PDE4D: variants seen among roughly 807,000 people sequenced by gnomAD.
PDE4D encodes the protein 3',5'-cyclic-AMP phosphodiesterase 4D.
In PDE4D, 24 loss-of-function variants were observed where a neutral mutation model predicts 87.4. That is an observed-to-expected ratio of 0.27 (90% CI 0.20 to 0.39). The LOEUF is 0.39. Ranked by LOEUF, PDE4D falls within the 10% of genes least tolerant of loss-of-function variation. PDE4D has a pLI of 1.00. For missense variants in PDE4D, 714 were observed against 1,041.0 expected (o/e 0.69, Z 4.32); for synonymous variants, 384 against 383.2 (o/e 1.00, Z -0.02).
rs1265600102 is a variant in PDE4D at position 59,752,256 on chromosome 5, T to C, written c.455+140912A>G. On this transcript the variant is annotated intron_variant, in intron 1 of 14. Transcript: ENST00000340635. ...GGCTCAGATCACCTTCAGTGTTCTA[T>C]CAATTGTATGTTTACCTTTTATTTG... 3.3e-5 allele frequency among the ~76,000 whole-genome samples: 5 copies of C among 152,220 alleles called. No homozygotes were observed. The East Asian group carries it at 9.6e-4, about 29-fold the overall frequency.
At chr5:59,148,998 G>A (rs1042051468) in intron 5 of PDE4D, among the ~76,000 whole-genome samples, 1 of 152,064 alleles carries the variant, frequency 6.6e-6, no homozygotes, top group Non-Finnish European at 1.5e-5. Flanking sequence ...ATAGGAATAG[G>A]AGATGCCAGA....
chr5:59,992,624 A>G (rs1763131528), intron 2 of PDE4D, among the ~76,000 whole-genome samples: 2 of 152,192 alleles, frequency 1.3e-5, no homozygotes, highest in South Asian at 4.1e-4. Context: ...TAGCATTGCA[A>G]TTGCAAAAAT....
intron 1 of PDE4D, among the ~76,000 whole-genome samples, chr5:60,416,485 G>A (rs1742579884): frequency 6.6e-6 from 1 of 152,048 alleles, no homozygotes; most frequent in African/African-American, 2.4e-5. Flanking sequence ...AAACCCACTG[G>A]GAGGAACGAA....
intron 1 of PDE4D, among the ~76,000 whole-genome samples, chr5:59,726,920 A>G (rs796286041): frequency 6.6e-6 from 1 of 152,206 alleles, no homozygotes; most frequent in African/African-American, 2.4e-5. Context: ...TTAATTCAAC[A>G]GAGTTGAGCG....
At chr5:59,017,368 T>G (rs2153371318) in intron 6 of PDE4D, among the ~76,000 whole-genome samples, 1 of 152,246 alleles carries the variant, frequency 6.6e-6, no homozygotes, top group Admixed American at 6.5e-5. Context: ...TCTGGGATGA[T>G]CAATGTCTAG....
chr5:59,744,228 G>T (rs60412868), intron 1 of PDE4D, among the ~76,000 whole-genome samples: 4,589 of 151,418 alleles, frequency 0.03, 231 homozygotes, highest in African/African-American at 0.11. Context: ...CATAATGGAG[G>T]AATCTTATTT....
intron 3 of PDE4D, among the ~76,000 whole-genome samples, chr5:59,979,258 T>C (rs147980643): frequency 2.8e-4 from 43 of 152,054 alleles, no homozygotes; most frequent in African/African-American, 1.0e-3. Flanking sequence ...AAATATGTGA[T>C]CAAAAGCTGG....
rs917065101 is a variant in PDE4D, at chr5:60,439,293, T to A, written c.-90+48649A>T. On this transcript the variant is annotated intron_variant, in intron 1 of 16. Coordinates refer to the PDE4D transcript ENST00000502484. ...TCCCAGAAAATTGATACAAATGGAC[T>A]GTGGATAATGAATATAAACTTCATT... Among the ~76,000 whole-genome samples the A allele has an allele frequency of 5.9e-5, 9 of 152,128 alleles. No individual in the cohort carries two copies. The East Asian group carries it at 1.7e-3, about 29-fold the overall frequency.
intron 1 of PDE4D, among the ~76,000 whole-genome samples, chr5:59,335,504 T>C (rs183330948): frequency 6.6e-6 from 1 of 152,354 alleles, no homozygotes; most frequent in Non-Finnish European, 1.5e-5. Flanking sequence ...GGGTGGTCAC[T>C]GCTTAGTCAC....
At chr5:59,618,603 T>A in intron 1 of PDE4D, among the ~76,000 whole-genome samples, 1 of 152,148 alleles carries the variant, frequency 6.6e-6, no homozygotes. Flanking sequence ...GTTCTGAGCA[T>A]TGTGTGAAAA....
At position 60,397,265 on chromosome 5, in the gene PDE4D, C is replaced by T. The variant is rs1476092092; in HGVS notation, c.-90+90677G>A. Among the ~76,000 whole-genome samples the T allele has an allele frequency of 4.6e-5, 7 of 152,126 alleles. No individual in the cohort carries two copies. In the East Asian group the frequency reaches 7.7e-4, roughly 17 times the overall value. On this transcript the variant is annotated intron_variant, in intron 1 of 16. Coordinates refer to the PDE4D transcript ENST00000502484. ...CTCAAAAAATTAAAAATAGAACTAC[C>T]ATATGATCCAGGAATCCCATGACTA... is the stretch of plus-strand genomic sequence containing the variant.
intron 1 of PDE4D, among the ~76,000 whole-genome samples, chr5:60,338,016 T>G (rs778337511): frequency 6.6e-6 from 1 of 152,140 alleles, no homozygotes; most frequent in East Asian, 1.9e-4. Flanking sequence ...CAGTAAAGTC[T>G]CTTCAATAAC....
At chr5:59,561,887 G>A (rs534292122) in intron 1 of PDE4D, among the ~76,000 whole-genome samples, 4 of 150,252 alleles carry the variant, frequency 2.7e-5, no homozygotes, top group East Asian at 1.9e-4. Context: ...AGCTGAGATC[G>A]CACCACTGCA....
At chr5:59,066,985 GTGAT>G (rs1187044685) in intron 5 of PDE4D, among the ~76,000 whole-genome samples, 3 of 127,616 alleles carry the variant, frequency 2.4e-5, no homozygotes, top group African/African-American at 8.9e-5. Flanking sequence ...CACCCAGCTC[GTGAT>G]TTATTTATTT....
chr5:59,245,825 A>C (rs760672273), intron 1 of PDE4D, among the ~76,000 whole-genome samples: 79 of 152,114 alleles, frequency 5.2e-4, no homozygotes, highest in South Asian at 1.2e-3. Flanking sequence ...AAATGCCACT[A>C]AACTGCAAAG....
intron 1 of PDE4D, among the ~76,000 whole-genome samples, chr5:59,293,688 G>A (rs1768490197): frequency 6.6e-6 from 1 of 152,128 alleles, no homozygotes; most frequent in South Asian, 2.1e-4. Flanking sequence ...TACCTAAATA[G>A]GAACTATAAT....
intron 2 of PDE4D, among the ~76,000 whole-genome samples, chr5:60,043,403 C>A (rs995213516): frequency 6.6e-6 from 1 of 152,090 alleles, no homozygotes; most frequent in African/African-American, 2.4e-5. Flanking sequence ...TATCCCCAAC[C>A]CAGCAAGACA....
At chr5:59,356,356 A>G (rs1490636760) in intron 1 of PDE4D, among the ~76,000 whole-genome samples, 2 of 152,142 alleles carry the variant, frequency 1.3e-5, no homozygotes, top group Non-Finnish European at 2.9e-5. Context: ...ATTAGTTTCC[A>G]TTTTTTCATG....
At position 59,039,139 on chromosome 5, in the gene PDE4D, A is replaced by C. The variant is rs569716880; in HGVS notation, c.809-168T>G. ...CAGCCCGGCAGTGCAACGGGGGCGG[A>C]GGCTGTGCTCGCGGGGCGGCCGGCC... On this transcript the variant is annotated intron_variant, in intron 5 of 14. Transcript: ENST00000340635. 4 of 1,358,770 alleles carry C rather than the reference A, an allele frequency of 2.9e-6. No individual in the cohort carries two copies. The South Asian group carries it at 5.2e-5, about 18-fold the overall frequency. The allele number at this position is 1,358,770 out of a possible 1,614,324, so 84.2% of individuals were successfully genotyped here. A position where few individuals can be genotyped will look rare whatever the true frequency, so the allele number is the denominator to read the frequency against.
Sources: allele counts gnomAD v4.1 joint callset (sites outside exome capture counted in the v4.1 genomes callset), GRCh38; gene constraint gnomAD v4.1.1; transcripts MANE v1.5; gene names NCBI Gene and HGNC (gene_info 2026-07-23, HGNC 2026-07-21).